NEDD9: variants seen among roughly 807,000 people sequenced by gnomAD.
The protein encoded by NEDD9 is enhancer of filamentation 1.
In NEDD9, 26 loss-of-function variants were observed where a neutral mutation model predicts 76.6. That is an observed-to-expected ratio of 0.34 (90% confidence interval 0.25 to 0.47). NEDD9 has a LOEUF of 0.47. NEDD9 is among the 20% of genes least tolerant of loss of function. NEDD9 has a pLI of 1.00. For missense variants in NEDD9, 937 were observed against 1,058.5 expected (o/e 0.89, Z 1.59); for synonymous variants, 392 against 414.2 (o/e 0.95, Z 0.65).
intron 3 of NEDD9, among the ~76,000 whole-genome samples, chr6:11,294,915 G>C (rs1470329239): frequency 6.6e-6 from 1 of 152,158 alleles, no homozygotes; most frequent in Non-Finnish European, 1.5e-5. Flanking sequence ...CATGGGGACG[G>C]GTCTTTCCCG....
At chr6:11,335,887 A>G (rs989242931) in intron 1 of NEDD9, among the ~76,000 whole-genome samples, 4 of 152,222 alleles carry the variant, frequency 2.6e-5, no homozygotes, top group Non-Finnish European at 2.9e-5. Context: ...TGGCTCCTCT[A>G]AATCTTCCAG....
chr6:11,231,085 C>T (rs1360665737), intron 1 of NEDD9, among the ~76,000 whole-genome samples: 2 of 152,094 alleles, frequency 1.3e-5, no homozygotes, highest in Non-Finnish European at 2.9e-5. Context: ...AATATCTGGT[C>T]CTATCATTGT....
rs931053262 is a variant in NEDD9, at chr6:11,380,727, G to A, written c.-214+1412C>T. 1.7e-4 allele frequency among the ~76,000 whole-genome samples: 26 copies of A among 152,092 alleles called. 1 individual carries two copies. The highest frequency in any genetic ancestry group is 1.4e-3 in the Admixed American group (21 of 15,270). On this transcript the variant is annotated intron_variant, in intron 1 of 3. Coordinates refer to the NEDD9 transcript ENST00000397378. Reference sequence around the variant, plus strand: ...ATTTACGTGTAGAGGAAGAGGCACCGGGAATTACATCATGTGACCCTTACA... The same window carrying A: ...ATTTACGTGTAGAGGAAGAGGCACCAGGAATTACATCATGTGACCCTTACA...
At chr6:11,277,960 C>G (rs1424175622) in intron 3 of NEDD9, among the ~76,000 whole-genome samples, 2 of 152,162 alleles carry the variant, frequency 1.3e-5, no homozygotes, top group African/African-American at 2.4e-5. Flanking sequence ...GCCTGAGGGC[C>G]ACTTCTTTTC....
In NEDD9 at chr6:11,190,031, G is replaced by A. The variant is rs1417637736; in HGVS notation, c.1838C>T (p.Pro613Leu). Residue 613 changes from proline to leucine, a missense_variant, in exon 5 of 7, where the codon CCT (proline) becomes CTT (leucine). Coordinates refer to ENST00000379446, the MANE Select transcript of NEDD9 (RefSeq NM_006403.4). The surrounding 1 kb of genome is among the most constrained non-coding windows in gnomAD (Gnocchi z 5.8). The part of the protein sequence containing the change: ...LPPGLSKEQA[P>L]DCSSSDGSER... Reference sequence around the variant, plus strand: ...AGAACCATCACTGCTGCTACAGTCAGGGGCCTGCTCCTTGCTCAGGCCTGG... The same window carrying A: ...AGAACCATCACTGCTGCTACAGTCAAGGGCCTGCTCCTTGCTCAGGCCTGG... 5 of 1,552,418 alleles carry A rather than the reference G, an allele frequency of 3.2e-6. No homozygotes were observed. Among genetic ancestry groups the A allele is most frequent in the Non-Finnish European group, 4.3e-6 (5 of 1,150,470 alleles).
chr6:11,209,303 C>T (rs981217030), intron 2 of NEDD9, among the ~76,000 whole-genome samples: 2 of 152,140 alleles, frequency 1.3e-5, no homozygotes, highest in Non-Finnish European at 2.9e-5. Context: ...ATGGATAAAA[C>T]GGCCCTGTGC....
chr6:11,322,414 G>T (rs1446264730), intron 2 of NEDD9, among the ~76,000 whole-genome samples: 1 of 152,166 alleles, frequency 6.6e-6, no homozygotes, highest in Non-Finnish European at 1.5e-5. Flanking sequence ...ACTGAGCTGG[G>T]GGAACCCACA....
rs869185428 is a variant in NEDD9 at position 11,291,267 on chromosome 6, G to GTTTTTTTTTTTTTTT, written c.12+14710_12+14724dup. ...GAGCACAGGGCAGAAATAGAATGAG[G>GTTTTTTTTTTTTTTT]TTTTTTTTTTTTTTTTTTTTTTTTT... On this transcript the variant is annotated intron_variant, in intron 3 of 3. Coordinates refer to the NEDD9 transcript ENST00000397378. Among the ~76,000 whole-genome samples the GTTTTTTTTTTTTTTT allele has an allele frequency of 4.7e-4, 45 of 95,826 alleles. 2 individuals carry two copies. Among genetic ancestry groups the GTTTTTTTTTTTTTTT allele is most frequent in the East Asian group, 1.3e-3 (4 of 3,024 alleles). The allele number at this position is 95,826 out of a possible 152,430, so 62.9% of individuals were successfully genotyped here.
At chr6:11,277,260 T>C (rs1049439267) in intron 3 of NEDD9, among the ~76,000 whole-genome samples, 1 of 152,174 alleles carries the variant, frequency 6.6e-6, no homozygotes, top group East Asian at 1.9e-4. Flanking sequence ...GAGTACTTGA[T>C]AGGTAGTGAG....
intron 1 of NEDD9, among the ~76,000 whole-genome samples, chr6:11,363,234 G>A (rs1762708184): frequency 6.6e-6 from 1 of 152,170 alleles, no homozygotes; most frequent in South Asian, 2.1e-4. Flanking sequence ...AAAACCTGGT[G>A]AAAGATAAGA....
At chr6:11,263,401 C>G (rs1057203596) in intron 3 of NEDD9, among the ~76,000 whole-genome samples, 40 of 152,298 alleles carry the variant, frequency 2.6e-4, no homozygotes, top group Non-Finnish European at 5.9e-5. Context: ...GCATATTTAG[C>G]CACTCTCAAT....
In NEDD9 at chr6:11,191,142, A is replaced by G. The variant is rs144242924; in HGVS notation, c.727T>C (p.Phe243Leu). ...EAGLREKDYDFPPPMRQAGRP... is the reference protein window; with the variant it reads ...EAGLREKDYDLPPPMRQAGRP... ...CCAGCTTGTCTCATGGGAGGGGGGAAGTCATAGTCTTTTTCCCTAAGCCCT... is the reference window on the plus strand; with the variant it reads ...CCAGCTTGTCTCATGGGAGGGGGGAGGTCATAGTCTTTTTCCCTAAGCCCT... Residue 243 changes from phenylalanine to leucine, a missense_variant, in exon 5 of 7, where the codon TTC becomes CTC. Physicochemically the swap from Phe to Leu is conservative, Grantham distance 22. Transcript: ENST00000379446. 19 of 1,613,734 alleles carry G rather than the reference A, an allele frequency of 1.2e-5. No individual in the cohort carries two copies. The highest frequency in any genetic ancestry group is 2.2e-5 in the East Asian group (1 of 44,852).
chr6:11,246,939 C>T (rs1203259064), intron 3 of NEDD9, among the ~76,000 whole-genome samples: 3 of 152,056 alleles, frequency 2.0e-5, no homozygotes, highest in Non-Finnish European at 2.9e-5. Flanking sequence ...GGGCTTCAGA[C>T]GACTGCCCTG....
intron 3 of NEDD9, among the ~76,000 whole-genome samples, chr6:11,300,974 T>A (rs1343982533): frequency 6.6e-6 from 1 of 152,106 alleles, no homozygotes. Flanking sequence ...GGCAAAATAA[T>A]GAGCTAACAT....
At chr6:11,258,319 G>A (rs1160979687) in intron 3 of NEDD9, among the ~76,000 whole-genome samples, 6 of 152,214 alleles carry the variant, frequency 3.9e-5, no homozygotes, top group Non-Finnish European at 8.8e-5. Context: ...TTTCTCAAGA[G>A]CTGAGCCCCA....
At chr6:11,314,367 A>G (rs1448565462) in intron 2 of NEDD9, among the ~76,000 whole-genome samples, 1 of 152,194 alleles carries the variant, frequency 6.6e-6, no homozygotes, top group Non-Finnish European at 1.5e-5. Flanking sequence ...ATTTTCAGTG[A>G]TAGGAAAGGA....
At position 11,213,945 on chromosome 6, in the gene NEDD9, A is replaced by T. The variant is rs1225918040; in HGVS notation, c.13-218T>A. ...TGACATCAGACTGCCTCCTTGGAAA[A>T]GCTCAAAACACCAGAAGAGTTCTTT... On this transcript the variant is annotated intron_variant, in intron 1 of 6. Transcript: ENST00000379446. The surrounding 1 kb of genome is among the most constrained non-coding windows in gnomAD (Gnocchi z 5.4). 6.6e-6 allele frequency among the ~76,000 whole-genome samples: 1 copy of T among 152,238 alleles called. No homozygotes were observed. Among genetic ancestry groups the T allele is most frequent in the Non-Finnish European group, 1.5e-5 (1 of 68,048 alleles).
intron 1 of NEDD9, among the ~76,000 whole-genome samples, chr6:11,358,228 G>A (rs986941795): frequency 7.7e-6 from 1 of 130,640 alleles, no homozygotes; most frequent in East Asian, 2.3e-4. Context: ...CCAGCCTGGC[G>A]ACAGAGCAAG....
chr6:11,318,228 T>G (rs1358393481), intron 2 of NEDD9, among the ~76,000 whole-genome samples: 3 of 152,164 alleles, frequency 2.0e-5, no homozygotes, highest in Non-Finnish European at 2.9e-5. Context: ...CCTGCCTGCC[T>G]CCATGATCAC....
Sources: allele counts gnomAD v4.1 joint callset (sites outside exome capture counted in the v4.1 genomes callset), GRCh38; gene constraint gnomAD v4.1.1; non-coding constraint Gnocchi (gnomAD v3.1); transcripts MANE v1.5; gene names NCBI Gene and HGNC (gene_info 2026-07-23, HGNC 2026-07-21).